The following ANO4 variants were observed in gnomAD, a reference collection of about 807,000 sequenced individuals.
ANO4 encodes the protein anoctamin-4.
In ANO4, 69 loss-of-function variants were observed where a neutral mutation model predicts 141.9. That is an observed-to-expected ratio of 0.49 (90% CI 0.40 to 0.59). The LOEUF (loss-of-function observed/expected upper bound fraction) is 0.59, where lower values mean the gene tolerates loss of function less well. Ranked by LOEUF, ANO4 falls within the 20% of genes least tolerant of loss-of-function variation. The pLI, the probability that ANO4 is intolerant of heterozygous loss-of-function variation, is 0.00. For synonymous variants in ANO4, 350 were observed against 394.3 expected (o/e 0.89, Z 1.33); for missense variants, 894 against 1,162.2 (o/e 0.77, Z 3.36).
intron 5 of ANO4, among the ~76,000 whole-genome samples, chr12:100,946,416 G>A (rs1956333161): frequency 6.6e-6 from 1 of 152,186 alleles, no homozygotes; most frequent in Non-Finnish European, 1.5e-5. Context: ...AAGAATCCAG[G>A]AAAGAGATGA....
intron 10 of ANO4, among the ~76,000 whole-genome samples, chr12:101,037,369 C>T (rs768339183): frequency 1.2e-4 from 18 of 152,088 alleles, no homozygotes; most frequent in Admixed American, 1.0e-3. Flanking sequence ...ATACTTAAAT[C>T]AATAGTCATG....
intron 3 of ANO4, among the ~76,000 whole-genome samples, chr12:100,770,817 A>G (rs984064955): frequency 4.7e-5 from 6 of 127,870 alleles, no homozygotes; most frequent in African/African-American, 1.5e-4. Context: ...ACTTATCTGT[A>G]TCTACTTTGA....
chr12:101,051,992 CAAAT>C (rs1293842595), intron 14 of ANO4, among the ~76,000 whole-genome samples: 2 of 152,092 alleles, frequency 1.3e-5, no homozygotes, highest in African/African-American at 2.4e-5. Flanking sequence ...TTAAAGAAAA[CAAAT>C]GCACTCTATT....
rs1203683063 is a variant in ANO4 at position 100,725,311 on chromosome 12, AG to A, written c.22+7765del. The stretch of plus-strand genomic sequence containing the variant: ...AGGAGAAGGCTTTACCTCAGCTTCT[AG>A]TCCCTGTGTCTTTGTCAGGGAAATT... On this transcript the variant is annotated intron_variant, in intron 1 of 29. Coordinates refer to the ANO4 transcript ENST00000644049. 5.4e-5 allele frequency among the ~76,000 whole-genome samples: 8 copies of A among 148,054 alleles called. 1 individual carries two copies. The East Asian group carries it at 1.4e-3, about 26-fold the overall frequency.
intron 1 of ANO4, among the ~76,000 whole-genome samples, chr12:100,877,565 G>A (rs1483372279): frequency 6.6e-6 from 1 of 151,586 alleles, no homozygotes; most frequent in Non-Finnish European, 1.5e-5. Flanking sequence ...GGTGGGAGGA[G>A]TCATGAGTTT....
chr12:100,768,459 G>C lies in ANO4; in HGVS notation c.358+28354G>C, dbSNP rs542547225. Among the ~76,000 whole-genome samples the C allele has an allele frequency of 9.2e-5, 14 of 152,172 alleles. 1 individual carries two copies. Among genetic ancestry groups the C allele is most frequent in the African/African-American group, 3.4e-4 (14 of 41,504 alleles). On this transcript the variant is annotated intron_variant, in intron 3 of 29. Coordinates refer to the ANO4 transcript ENST00000644049. ...AATTGTTTAAATTGATGTTTCTTTG[G>C]GGGGACCAGCACTGGAGTGTCCTAT...
chr12:100,720,506 C>A (rs2030815729), intron 1 of ANO4, among the ~76,000 whole-genome samples: 1 of 151,718 alleles, frequency 6.6e-6, no homozygotes, highest in African/African-American at 2.4e-5. Flanking sequence ...AAGCAGAAGA[C>A]AGGAAGACAG....
At chr12:100,777,267 A>ATTT (rs2033551408) in intron 3 of ANO4, among the ~76,000 whole-genome samples, 1 of 51,512 alleles carries the variant, frequency 1.9e-5, no homozygotes, top group Non-Finnish European at 4.0e-5. Context: ...TAATTTTTGT[A>ATTT]TCTTTTTTTT....
At chr12:101,066,986 T>C in intron 14 of ANO4, 1 of 415,674 alleles carries the variant, frequency 2.4e-6, no homozygotes, top group Non-Finnish European at 4.4e-6. Context: ...ACCCTAGAAC[T>C]TAAAGTATAA....
chr12:100,723,546 G>C (rs928898371), intron 1 of ANO4, among the ~76,000 whole-genome samples: 22 of 152,170 alleles, frequency 1.4e-4, no homozygotes, highest in Admixed American at 1.2e-3. Context: ...CAGCTAGGAG[G>C]AAAGAATAGG....
At chr12:100,766,818 C>A (rs575852535) in intron 3 of ANO4, among the ~76,000 whole-genome samples, 2 of 152,182 alleles carry the variant, frequency 1.3e-5, no homozygotes, top group African/African-American at 4.8e-5. Flanking sequence ...GTGTTGAAGT[C>A]TTCTACTAGT....
intron 8 of ANO4, among the ~76,000 whole-genome samples, chr12:101,011,314 TTTTC>T (rs2046079082): frequency 7.0e-6 from 1 of 142,910 alleles, no homozygotes; most frequent in Non-Finnish European, 1.5e-5. Flanking sequence ...TCATGGCCTT[TTTTC>T]TTTTTTTTTT....
chr12:100,970,531 G>C (rs1211591522), intron 5 of ANO4, among the ~76,000 whole-genome samples: 1 of 152,110 alleles, frequency 6.6e-6, no homozygotes, highest in East Asian at 1.9e-4. Context: ...CCACAGAGGA[G>C]ACTTTCCTTG....
At chr12:100,728,615 C>A (rs1297705361) in intron 1 of ANO4, among the ~76,000 whole-genome samples, 1 of 152,094 alleles carries the variant, frequency 6.6e-6, no homozygotes, top group East Asian at 1.9e-4. Flanking sequence ...TAGAGTTATA[C>A]CTTAAAAGAG....
intron 3 of ANO4, among the ~76,000 whole-genome samples, chr12:100,775,443 C>T (rs1389994280): frequency 1.3e-5 from 2 of 152,114 alleles, no homozygotes; most frequent in African/African-American, 4.8e-5. Context: ...TTTATTAAAG[C>T]AGAATATAAA....
chr12:101,110,284 C>T, intron 22 of ANO4, 120 bp from the exon 23 acceptor site: 3 of 1,030,992 alleles, frequency 2.9e-6, no homozygotes, highest in Non-Finnish European at 3.9e-6. Flanking sequence ...GAGATATCCC[C>T]TGTGCGTCTG....
intron 1 of ANO4, among the ~76,000 whole-genome samples, chr12:100,863,743 T>C (rs1543125): frequency 0.42 from 63,302 of 151,966 alleles, 13,358 homozygotes; most frequent in Admixed American, 0.49. Flanking sequence ...TGGGACAGGA[T>C]TATTTTGATA....
chr12:100,804,700 C>T (rs1478114798), intron 1 of ANO4, among the ~76,000 whole-genome samples: 1 of 152,172 alleles, frequency 6.6e-6, no homozygotes, highest in East Asian at 1.9e-4. Flanking sequence ...ATCTAATGAT[C>T]AGCGATGCTG....
At chr12:100,858,696 T>C (rs1196500509) in intron 1 of ANO4, among the ~76,000 whole-genome samples, 1 of 152,192 alleles carries the variant, frequency 6.6e-6, no homozygotes, top group Admixed American at 6.6e-5. Context: ...TAGCTTTCTG[T>C]CTTTTTACAG....
Sources: gnomAD v4.1 joint callset for allele counts (sites outside exome capture counted in the v4.1 genomes callset) on GRCh38, gnomAD v4.1.1 for gene constraint, MANE v1.5 for transcripts, NCBI Gene and HGNC (gene_info 2026-07-23, HGNC 2026-07-21) for gene names.